Variants in EPB41L5 observed in about 807,000 individuals in gnomAD.
EPB41L5 encodes erythrocyte membrane protein band 4.1 like 5, also known as band 4.1-like protein 5.
Under a neutral mutation model 106.6 loss-of-function variants are expected in EPB41L5, and 55 were observed. That is an observed-to-expected ratio of 0.52 (90% CI 0.42 to 0.65). The LOEUF is 0.65. Ranked by LOEUF, EPB41L5 falls within the 30% of genes least tolerant of loss-of-function variation. The pLI is 0.00. For missense variants in EPB41L5, 871 were observed against 882.1 expected (o/e 0.99, Z 0.16); for synonymous variants, 297 against 306.7 (o/e 0.97, Z 0.33).
chr2:120,074,252 T>C (rs981372782), intron 5 of EPB41L5, 74 bp downstream of exon 5: 5 of 1,129,914 alleles, frequency 4.4e-6, no homozygotes, highest in South Asian at 1.5e-5. Context: ...TTGTTTCCAA[T>C]TTATAGCCAG....
chr2:120,167,911 G>A lies in EPB41L5; in HGVS notation c.2039G>A (p.Cys680Tyr). Residue 680 changes from cysteine (C) to tyrosine (Y), a missense_variant, in exon 24 of 25, where the codon TGT becomes TAT. Physicochemically the swap from Cys to Tyr is radical, Grantham distance 194. Coordinates refer to ENST00000263713, the MANE Select transcript of EPB41L5 (RefSeq NM_020909.4). Reference sequence around the variant, plus strand: ...GCCATGTCTAATGGACTTGCGGGATGTGAAATGCTTTTGACAGGGAAGGAG... The same window carrying A: ...GCCATGTCTAATGGACTTGCGGGATATGAAATGCTTTTGACAGGGAAGGAG... ...SGAMSNGLAG[C>Y]EMLLTGKEGH... The A allele has an allele frequency of 6.2e-7, 1 of 1,614,148 alleles. No homozygotes were observed. Among genetic ancestry groups the A allele is most frequent in the East Asian group, 2.2e-5 (1 of 44,872 alleles).
intron 16 of EPB41L5, chr2:120,106,377 T>TA (rs1684453442): frequency 6.1e-6 from 6 of 985,110 alleles, no homozygotes; most frequent in Non-Finnish European, 7.2e-6. Context: ...TTTTTACTGA[T>TA]ATTTGCAAGA....
At chr2:120,027,086 A>T (rs1678372309) in intron 2 of EPB41L5, among the ~76,000 whole-genome samples, 2 of 152,232 alleles carry the variant, frequency 1.3e-5, no homozygotes, top group South Asian at 4.1e-4. Context: ...GACAAATCAG[A>T]ACTCTCAGAC....
intron 24 of EPB41L5, among the ~76,000 whole-genome samples, chr2:120,171,770 AG>A (rs1438982127): frequency 2.0e-5 from 3 of 152,228 alleles, no homozygotes; most frequent in Non-Finnish European, 4.4e-5. Context: ...ATATATACAC[AG>A]GTCCCAGACA....
intron 2 of EPB41L5, among the ~76,000 whole-genome samples, chr2:120,033,546 A>G (rs1009790460): frequency 3.3e-5 from 5 of 151,796 alleles, no homozygotes; most frequent in Admixed American, 6.6e-5. Context: ...CATCTCTATT[A>G]AAAATACAAA....
intron 3 of EPB41L5, among the ~76,000 whole-genome samples, chr2:120,061,786 C>T (rs918098306): frequency 1.6e-4 from 24 of 152,172 alleles, no homozygotes; most frequent in Admixed American, 2.0e-4. Flanking sequence ...CTCATAAATA[C>T]TTAAAGAATT....
intron 24 of EPB41L5, among the ~76,000 whole-genome samples, chr2:120,172,412 G>A (rs933269939): frequency 2.0e-5 from 3 of 152,186 alleles, no homozygotes; most frequent in South Asian, 2.1e-4. Context: ...AACGGAGTAC[G>A]TACAAAGGAT....
At chr2:120,153,283 A>T (rs1452279452) in intron 20 of EPB41L5, among the ~76,000 whole-genome samples, 1 of 152,018 alleles carries the variant, frequency 6.6e-6, no homozygotes. Context: ...TTCTGTATTT[A>T]TGAATTTTCC....
chr2:120,123,647 T>A (rs542292869), intron 16 of EPB41L5, among the ~76,000 whole-genome samples: 1,392 of 37,036 alleles, frequency 0.038, 14 homozygotes, highest in Admixed American at 0.067. Context: ...TGTTCGTCCC[T>A]TTTTTTTTTT....
chr2:120,150,463 A>C (rs1230908652), intron 20 of EPB41L5, among the ~76,000 whole-genome samples: 3 of 152,102 alleles, frequency 2.0e-5, no homozygotes, highest in African/African-American at 7.2e-5. Flanking sequence ...CTAGGATTAC[A>C]GGCACACACC....
intron 16 of EPB41L5, among the ~76,000 whole-genome samples, chr2:120,111,822 C>T (rs1174949874): frequency 2.6e-5 from 4 of 152,140 alleles, no homozygotes; most frequent in Admixed American, 6.5e-5. Flanking sequence ...CGGAGTAAAA[C>T]CTCAGATCCT....
At chr2:120,103,896 G>A (rs1469897540) in intron 16 of EPB41L5, among the ~76,000 whole-genome samples, 3 of 152,088 alleles carry the variant, frequency 2.0e-5, no homozygotes, top group African/African-American at 7.2e-5. Flanking sequence ...CCCCCACTTT[G>A]TTATTCTTGA....
At chr2:120,145,007 G>A (rs1174908817) in intron 19 of EPB41L5, among the ~76,000 whole-genome samples, 1 of 152,178 alleles carries the variant, frequency 6.6e-6, no homozygotes, top group Non-Finnish European at 1.5e-5. Context: ...TTGATAAAGA[G>A]CATTTATGAA....
At chr2:120,030,788 C>T (rs555436171) in intron 2 of EPB41L5, among the ~76,000 whole-genome samples, 2 of 152,270 alleles carry the variant, frequency 1.3e-5, no homozygotes, top group East Asian at 1.9e-4. Context: ...CTCTTGACCT[C>T]AGGTGATCTG....
chr2:120,061,582 CCTCAGG>C (rs1298799470), intron 3 of EPB41L5, among the ~76,000 whole-genome samples: 1 of 151,442 alleles, frequency 6.6e-6, no homozygotes, highest in African/African-American at 2.4e-5. Flanking sequence ...GAGTTCTTGA[CCTCAGG>C]TGATCTGCCC....
intron 20 of EPB41L5, among the ~76,000 whole-genome samples, chr2:120,158,227 C>A (rs4849833): frequency 0.64 from 96,689 of 152,008 alleles, 32,094 homozygotes; most frequent in Middle Eastern, 0.74. Context: ...GGAGGAGGGA[C>A]TCCTCCATAA....
At position 120,164,897 on chromosome 2, in the gene EPB41L5, C is replaced by T. The variant is rs533726622; in HGVS notation, c.1949C>T (p.Thr650Ile). ...CTAACTGAGAATCTAATTGATCACA[C>T]AGTTGCACCTCAGGTAAATATGCTT... ...ASLTENLIDH[T>I]VAPQVSSTSM... Residue 650 changes from threonine to isoleucine, a missense_variant, in exon 22 of 25, where the codon ACA (threonine) becomes ATA (isoleucine). Transcript: ENST00000263713. The T allele has an allele frequency of 2.1e-5, 34 of 1,609,422 alleles. No homozygotes were observed. The Admixed American group carries it at 5.7e-4, about 27-fold the overall frequency.
chr2:120,016,556 A>G (rs902922646), intron 1 of EPB41L5, among the ~76,000 whole-genome samples: 4 of 152,204 alleles, frequency 2.6e-5, no homozygotes, highest in Admixed American at 6.5e-5. Flanking sequence ...ATGACAGACA[A>G]TATCTTATTT....
chr2:120,116,529 T>G (rs1274050488), intron 16 of EPB41L5, among the ~76,000 whole-genome samples: 1 of 151,884 alleles, frequency 6.6e-6, no homozygotes, highest in Non-Finnish European at 1.5e-5. Context: ...ATGAATGGCG[T>G]TTTGTTTTTT....
Sources: gnomAD v4.1 joint callset for allele counts (sites outside exome capture counted in the v4.1 genomes callset) on GRCh38, gnomAD v4.1.1 for gene constraint, MANE v1.5 for transcripts, NCBI Gene and HGNC (gene_info 2026-07-23, HGNC 2026-07-21) for gene names.